The following PARD3 variants were observed in gnomAD, a reference collection of about 807,000 sequenced individuals.
PARD3 encodes partitioning defective 3 homolog.
A neutral mutation model predicts 155.4 loss-of-function variants in PARD3; 75 were observed. That is an observed-to-expected ratio of 0.48 (90% CI 0.40 to 0.58). PARD3 has a LOEUF of 0.58. PARD3 is among the 20% of genes least tolerant of loss of function. PARD3 has a pLI of 0.00. For missense variants in PARD3, 1,642 were observed against 1,721.7 expected (o/e 0.95, Z 0.82); for synonymous variants, 576 against 610.5 (o/e 0.94, Z 0.83).
intron 2 of PARD3, among the ~76,000 whole-genome samples, chr10:34,630,635 GAGTC>G (rs1251833004): frequency 3.3e-5 from 5 of 151,084 alleles, no homozygotes; most frequent in Non-Finnish European, 7.4e-5. Context: ...ATTTTTTGTG[GAGTC>G]AGCGTTTCAC....
At chr10:34,507,378 C>T (rs1310991065) in intron 3 of PARD3, among the ~76,000 whole-genome samples, 1 of 151,774 alleles carries the variant, frequency 6.6e-6, no homozygotes, top group East Asian at 1.9e-4. Context: ...ACCCCTCCAA[C>T]CTTTGTTACA....
intron 2 of PARD3, among the ~76,000 whole-genome samples, chr10:34,683,401 A>G (rs2093883682): frequency 6.6e-6 from 1 of 151,696 alleles, no homozygotes; most frequent in South Asian, 2.1e-4. Flanking sequence ...TAAAACAAAC[A>G]AACAAAAAAC....
At chr10:34,376,038 G>C (rs112145753) in intron 10 of PARD3, among the ~76,000 whole-genome samples, 1 of 152,018 alleles carries the variant, frequency 6.6e-6, no homozygotes, top group African/African-American at 2.4e-5. Flanking sequence ...AACATAATTT[G>C]TACTCAAACA....
At chr10:34,316,686 A>G (rs1004605034) in intron 20 of PARD3, among the ~76,000 whole-genome samples, 1 of 152,182 alleles carries the variant, frequency 6.6e-6, no homozygotes, top group Admixed American at 6.5e-5. Flanking sequence ...TTTCACTCTT[A>G]TGCATAACTA....
At chr10:34,250,682 T>A (rs1954255887) in intron 22 of PARD3, among the ~76,000 whole-genome samples, 1 of 150,318 alleles carries the variant, frequency 6.7e-6, no homozygotes, top group Non-Finnish European at 1.5e-5. Context: ...AAAAAAAAAA[T>A]CACTCAAGAT....
Position 34,360,070 on chromosome 10 carries a change from C to T in PARD3, c.1896+1G>A. On this transcript the variant is annotated splice_donor_variant, in intron 13 of 24. Transcript: ENST00000374788. LOFTEE classifies it high-confidence loss of function. ...ATACGCATGATAAAGTTGACACTCA[C>T]TTTAGATGCTGCTCCTCCATTAATA... is the stretch of plus-strand genomic sequence containing the variant. 6.2e-7 allele frequency: 1 copy of T among 1,612,878 alleles called. No individual in the cohort carries two copies. The highest frequency in any genetic ancestry group is 8.5e-7 in the Non-Finnish European group (1 of 1,178,930).
intron 22 of PARD3, among the ~76,000 whole-genome samples, chr10:34,162,141 G>C (rs942230768): frequency 1.3e-5 from 2 of 152,144 alleles, no homozygotes; most frequent in Non-Finnish European, 2.9e-5. Flanking sequence ...CACATGTTTT[G>C]TGCAGATAAG....
chr10:34,596,974 C>T (rs1273063411), intron 2 of PARD3, among the ~76,000 whole-genome samples: 1 of 152,118 alleles, frequency 6.6e-6, no homozygotes, highest in Non-Finnish European at 1.5e-5. Context: ...TTTTACACCC[C>T]CGTGCCAAAG....
At chr10:34,215,288 G>A (rs763753377) in intron 22 of PARD3, among the ~76,000 whole-genome samples, 5 of 152,098 alleles carry the variant, frequency 3.3e-5, no homozygotes, top group African/African-American at 4.8e-5. Flanking sequence ...TCCAGGTCTG[G>A]TTTCCATCAG....
intron 7 of PARD3, among the ~76,000 whole-genome samples, chr10:34,385,498 C>A (rs1842264907): frequency 6.6e-6 from 1 of 152,138 alleles, no homozygotes; most frequent in Non-Finnish European, 1.5e-5. Flanking sequence ...AGTCTTTTTA[C>A]TTCCAAAATT....
chr10:34,372,601 C>T, intron 11 of PARD3, 65 bp from the exon 12 acceptor site: 1 of 1,115,904 alleles, frequency 9.0e-7, no homozygotes, highest in Non-Finnish European at 1.4e-6. Context: ...CACAGGGACA[C>T]AATGATTTAT....
At chr10:34,633,346 C>G (rs868207914) in intron 2 of PARD3, among the ~76,000 whole-genome samples, 1 of 152,088 alleles carries the variant, frequency 6.6e-6, no homozygotes, top group Non-Finnish European at 1.5e-5. Flanking sequence ...CCCAACCCCC[C>G]TCCCAACCGC....
At chr10:34,230,343 C>T (rs1487892036) in intron 22 of PARD3, among the ~76,000 whole-genome samples, 1 of 152,106 alleles carries the variant, frequency 6.6e-6, no homozygotes, top group Non-Finnish European at 1.5e-5. Flanking sequence ...TCCATCATCC[C>T]CTTCTACCTC....
intron 9 of PARD3, among the ~76,000 whole-genome samples, chr10:34,379,521 A>G (rs1841610184): frequency 6.6e-6 from 1 of 152,142 alleles, no homozygotes; most frequent in African/African-American, 2.4e-5. Flanking sequence ...GACTTGCAAT[A>G]ACATTTATTA....
intron 2 of PARD3, among the ~76,000 whole-genome samples, chr10:34,635,478 C>T (rs1219829249): frequency 2.6e-5 from 4 of 152,144 alleles, no homozygotes; most frequent in African/African-American, 7.2e-5. Flanking sequence ...ACGACAATGA[C>T]GGTAGTGGTA....
At chr10:34,114,784 A>C (rs934608256) in intron 24 of PARD3, among the ~76,000 whole-genome samples, 3 of 152,240 alleles carry the variant, frequency 2.0e-5, no homozygotes, top group African/African-American at 7.2e-5. Context: ...CAGAGATCAG[A>C]CGGAAGCCCA....
chr10:34,610,745 C>T (rs894587088), intron 2 of PARD3, among the ~76,000 whole-genome samples: 2 of 152,078 alleles, frequency 1.3e-5, no homozygotes, highest in South Asian at 4.2e-4. Context: ...AATTAAACTG[C>T]TAAACATTGT....
At chr10:34,236,471 G>A (rs955616595) in intron 22 of PARD3, among the ~76,000 whole-genome samples, 19 of 152,202 alleles carry the variant, frequency 1.2e-4, no homozygotes, top group African/African-American at 4.1e-4. Flanking sequence ...AACATTTTCC[G>A]ATAATGAGTA....
chr10:34,483,500 G>C, intron 3 of PARD3, among the ~76,000 whole-genome samples: 1 of 131,756 alleles, frequency 7.6e-6, no homozygotes, highest in African/African-American at 3.8e-5. Context: ...AAAAAAAAAA[G>C]AGAGAGAAAA....
Sources: gnomAD v4.1 joint callset for allele counts (sites outside exome capture counted in the v4.1 genomes callset) on GRCh38, gnomAD v4.1.1 for gene constraint, MANE v1.5 for transcripts, NCBI Gene and HGNC (gene_info 2026-07-23, HGNC 2026-07-21) for gene names.